The following GALNT13 variants were observed in gnomAD, a reference collection of about 807,000 sequenced individuals.
The protein encoded by GALNT13 is UDP-GalNAc:polypeptide N-acetylgalactosaminyltransferase 13.
In GALNT13, 28 loss-of-function variants were observed where a neutral mutation model predicts 64.2. The ratio of observed to expected loss-of-function variants is 0.44; its 90% confidence interval spans 0.32 to 0.60. GALNT13 has a LOEUF of 0.60. Among genes scored for constraint, GALNT13 ranks in the 20% least tolerant of loss-of-function variants. The probability of loss-of-function intolerance (pLI) is 0.05; values close to 1 mark genes in which losing one functional copy is unlikely to be tolerated. For synonymous variants in GALNT13, 214 were observed against 224.6 expected, an observed-to-expected ratio of 0.95 and a Z score of 0.42; for missense variants, 577 against 669.8, an observed-to-expected ratio of 0.86 and a Z score of 1.53.
chr2:153,341,127 C>T, the GALNT13 span, among the ~76,000 whole-genome samples: 1 of 152,188 alleles, frequency 6.6e-6, no homozygotes. Context: ...ACATTCCACA[C>T]CCAACTTTGT....
chr2:154,217,275 T>C (rs1485166760), intron 4 of GALNT13, among the ~76,000 whole-genome samples: 1 of 152,094 alleles, frequency 6.6e-6, no homozygotes. Flanking sequence ...AAATTCTCAT[T>C]ATTTTGTATA....
chr2:154,355,006 A>G (rs893957882), intron 9 of GALNT13, among the ~76,000 whole-genome samples: 10 of 152,094 alleles, frequency 6.6e-5, no homozygotes, highest in African/African-American at 2.4e-4. Flanking sequence ...AATTAGATTC[A>G]GTTGGAATTG....
At chr2:153,427,363 C>T in the GALNT13 span, among the ~76,000 whole-genome samples, 2 of 152,038 alleles carry the variant, frequency 1.3e-5, no homozygotes, top group Non-Finnish European at 2.9e-5. Flanking sequence ...GAAAATCTAT[C>T]AGAGTTTGAG....
At chr2:153,241,048 G>T in the GALNT13 span, among the ~76,000 whole-genome samples, 1 of 152,146 alleles carries the variant, frequency 6.6e-6, no homozygotes, top group African/African-American at 2.4e-5. Context: ...AAAGTTCTTG[G>T]TTAGGGATCT....
At chr2:153,528,279 T>C in the GALNT13 span, among the ~76,000 whole-genome samples, 9 of 152,062 alleles carry the variant, frequency 5.9e-5, no homozygotes, top group East Asian at 1.7e-3. Flanking sequence ...GGAGCAGCTA[T>C]ACTTTTATCA....
At chr2:153,336,049 A>G in the GALNT13 span, among the ~76,000 whole-genome samples, 7 of 152,198 alleles carry the variant, frequency 4.6e-5, no homozygotes, top group Non-Finnish European at 1.0e-4. Flanking sequence ...AGATGGACAG[A>G]CATCAAGAAT....
chr2:154,446,546 C>A, intron 12 of GALNT13: 1 of 1,514,412 alleles, frequency 6.6e-7, no homozygotes. Flanking sequence ...TGTCATTATT[C>A]GTTATTTTCT....
chr2:153,358,400 C>T, the GALNT13 span, among the ~76,000 whole-genome samples: 1 of 152,166 alleles, frequency 6.6e-6, no homozygotes, highest in Non-Finnish European at 1.5e-5. Flanking sequence ...CAATTGCAGA[C>T]ATCCACAGGG....
At chr2:154,245,139 A>C (rs897179996) in intron 6 of GALNT13, among the ~76,000 whole-genome samples, 3 of 151,546 alleles carry the variant, frequency 2.0e-5, no homozygotes, top group Non-Finnish European at 4.4e-5. Context: ...AAATAAATAA[A>C]TAAATAAAAC....
the GALNT13 span, among the ~76,000 whole-genome samples, chr2:153,089,867 G>T: frequency 6.6e-6 from 1 of 151,586 alleles, no homozygotes; most frequent in African/African-American, 2.4e-5. Flanking sequence ...TTTTAAAGTC[G>T]GTTTTTACCT....
chr2:154,414,482 C>A (rs911516724), intron 11 of GALNT13, among the ~76,000 whole-genome samples: 2 of 149,524 alleles, frequency 1.3e-5, no homozygotes, highest in Non-Finnish European at 1.5e-5. Flanking sequence ...GGATTATAAT[C>A]GCAGTGGCCA....
the GALNT13 span, among the ~76,000 whole-genome samples, chr2:153,539,344 C>T: frequency 8.6e-5 from 13 of 151,722 alleles, no homozygotes; most frequent in East Asian, 3.9e-4. Context: ...CTGTAGGTTG[C>T]CTGTTCACTC....
At chr2:154,134,139 GCATAGCT>G (rs1394321756) in intron 3 of GALNT13, among the ~76,000 whole-genome samples, 1 of 152,128 alleles carries the variant, frequency 6.6e-6, no homozygotes, top group Non-Finnish European at 1.5e-5. Context: ...GGAAAATGTT[GCATAGCT>G]ATGTGTCCAA....
rs1574338511 is a variant in GALNT13 at position 154,451,241 on chromosome 2, G to A, written c.*690G>A. 2 of 152,086 alleles carry A rather than the reference G, an allele frequency of 1.3e-5. No individual in the cohort carries two copies. Among genetic ancestry groups the A allele is most frequent in the South Asian group, 4.1e-4 (2 of 4,828 alleles). The allele number at this position is 152,086 out of a possible 1,614,324, so 9.4% of individuals were successfully genotyped here. On this transcript the variant is annotated 3_prime_UTR_variant, in exon 13 of 13. Transcript: ENST00000392825. ...GGGAACAAGATGAGTCTAATCCGCAGCACTTCGATCACTGTGAGAGAACTC... is the reference window on the plus strand; with the variant it reads ...GGGAACAAGATGAGTCTAATCCGCAACACTTCGATCACTGTGAGAGAACTC...
At chr2:153,469,973 A>T in the GALNT13 span, among the ~76,000 whole-genome samples, 4 of 152,074 alleles carry the variant, frequency 2.6e-5, no homozygotes, top group African/African-American at 4.8e-5. Flanking sequence ...GGGCACTTGG[A>T]GCTACATCAA....
the GALNT13 span, among the ~76,000 whole-genome samples, chr2:153,161,451 A>T: frequency 1.3e-5 from 2 of 152,218 alleles, no homozygotes; most frequent in African/African-American, 4.8e-5. Flanking sequence ...ATAAAAGTTA[A>T]ATTTTATAAT....
At chr2:153,097,708 A>G in the GALNT13 span, among the ~76,000 whole-genome samples, 1 of 152,084 alleles carries the variant, frequency 6.6e-6, no homozygotes, top group Non-Finnish European at 1.5e-5. Context: ...GTTTCACCTA[A>G]TCTCACCATT....
At chr2:153,389,701 GC>G in the GALNT13 span, among the ~76,000 whole-genome samples, 21 of 152,100 alleles carry the variant, frequency 1.4e-4, no homozygotes, top group African/African-American at 5.1e-4. Flanking sequence ...TTATGAACTG[GC>G]TTGTATAAAC....
the GALNT13 span, among the ~76,000 whole-genome samples, chr2:153,820,977 C>T: frequency 0.76 from 115,946 of 152,042 alleles, 45,717 homozygotes; most frequent in Non-Finnish European, 0.86. Flanking sequence ...CCATCTGACA[C>T]GTAATGACAC....
Sources: gnomAD v4.1 joint callset for allele counts (sites outside exome capture counted in the v4.1 genomes callset) on GRCh38, gnomAD v4.1.1 for gene constraint, MANE v1.5 for transcripts, NCBI Gene and HGNC (gene_info 2026-07-23, HGNC 2026-07-21) for gene names.